Variants in LUZP2 observed in about 807,000 individuals in gnomAD.
LUZP2 encodes the protein leucine zipper protein 2.
A neutral mutation model predicts 51.6 loss-of-function variants in LUZP2; 52 were observed. That is an observed-to-expected ratio of 1.01 (90% confidence interval 0.81 to 1.27). The LOEUF (loss-of-function observed/expected upper bound fraction) is 1.27, where lower values mean the gene tolerates loss of function less well. Ranked by LOEUF, LUZP2 falls within the 50% of genes most tolerant of loss-of-function variation. The pLI, the probability that LUZP2 is intolerant of heterozygous loss-of-function variation, is 0.00. For synonymous variants in LUZP2, 154 were observed against 137.3 expected, an observed-to-expected ratio of 1.12 and a Z score of -0.85; for missense variants, 436 against 395.4, an observed-to-expected ratio of 1.10 and a Z score of -0.87.
At chr11:24,952,437 A>G (rs1433810916) in intron 7 of LUZP2, among the ~76,000 whole-genome samples, 1 of 151,768 alleles carries the variant, frequency 6.6e-6, no homozygotes, top group Non-Finnish European at 1.5e-5. Context: ...TATATGTAGT[A>G]TATTAGAAAT....
intron 7 of LUZP2, among the ~76,000 whole-genome samples, chr11:24,942,425 G>A (rs1854779436): frequency 6.6e-6 from 1 of 152,082 alleles, no homozygotes; most frequent in African/African-American, 2.4e-5. Context: ...ACGAGCGTAT[G>A]GTTATAACCT....
chr11:24,568,356 A>AT (rs1852314910), intron 1 of LUZP2, among the ~76,000 whole-genome samples: 1 of 43,570 alleles, frequency 2.3e-5, no homozygotes, highest in African/African-American at 5.8e-5. Context: ...TCTGTCTCAG[A>AT]AAAAAAAAAA....
chr11:24,894,435 A>G (rs898157546), intron 5 of LUZP2, among the ~76,000 whole-genome samples: 1 of 152,140 alleles, frequency 6.6e-6, no homozygotes, highest in African/African-American at 2.4e-5. Context: ...TCGGCCTCCC[A>G]AAGTGTTGGG....
chr11:25,073,637 G>C (rs1195638347), intron 10 of LUZP2, among the ~76,000 whole-genome samples: 3 of 151,922 alleles, frequency 2.0e-5, no homozygotes, highest in Non-Finnish European at 2.9e-5. Flanking sequence ...AGGAGCATTC[G>C]TAAGAAACGT....
intron 5 of LUZP2, among the ~76,000 whole-genome samples, chr11:24,825,676 T>C (rs1850503360): frequency 6.6e-6 from 1 of 152,128 alleles, no homozygotes; most frequent in Non-Finnish European, 1.5e-5. Context: ...GAGGACTTTT[T>C]CCATGCTCAT....
At chr11:24,571,595 T>C (rs2133801199) in intron 1 of LUZP2, among the ~76,000 whole-genome samples, 1 of 152,154 alleles carries the variant, frequency 6.6e-6, no homozygotes, top group Non-Finnish European at 1.5e-5. Flanking sequence ...TTATTAAGTG[T>C]CACTGATGTA....
chr11:24,647,748 G>T (rs1855506785), intron 1 of LUZP2, among the ~76,000 whole-genome samples: 1 of 151,738 alleles, frequency 6.6e-6, no homozygotes, highest in South Asian at 2.1e-4. Context: ...CCTCATTTCT[G>T]AAATACTCGA....
At chr11:24,817,512 A>G (rs11028190) in intron 5 of LUZP2, among the ~76,000 whole-genome samples, 40,083 of 151,996 alleles carry the variant, frequency 0.26, 6,578 homozygotes, top group East Asian at 0.51. Flanking sequence ...GAGAGTTGGA[A>G]TCTGAAATCC....
intron 10 of LUZP2, among the ~76,000 whole-genome samples, chr11:25,067,597 A>C (rs996754843): frequency 6.6e-6 from 1 of 152,054 alleles, no homozygotes; most frequent in Admixed American, 6.6e-5. Context: ...TGGTCATTAG[A>C]GAAATGCAAA....
rs142624927 is a variant in LUZP2, at chr11:24,574,028, T to C, written c.62+76723T>C. Among the ~76,000 whole-genome samples the C allele has an allele frequency of 4.3e-3, 653 of 151,966 alleles. 23 individuals carry two copies. In the East Asian group the frequency reaches 0.1, roughly 24 times the overall value. On this transcript the variant is annotated intron_variant, in intron 1 of 11. Transcript: ENST00000336930. ...ATATCTCCTAATGCTGTGTTTTAAT[T>C]TGTGCTTGAGGTCTTTTATTTTTCT...
chr11:24,688,528 C>A (rs921785802), intron 1 of LUZP2, among the ~76,000 whole-genome samples: 1 of 152,102 alleles, frequency 6.6e-6, no homozygotes, highest in East Asian at 1.9e-4. Context: ...ACAAGTAGAT[C>A]TCTGTCATAA....
At chr11:25,040,342 G>GCTTTTTTTTTTTTTT (rs1491549909) in intron 9 of LUZP2, among the ~76,000 whole-genome samples, 1 of 34,028 alleles carries the variant, frequency 2.9e-5, no homozygotes, top group Non-Finnish European at 4.5e-5. Flanking sequence ...CTTTCTTTCC[G>GCTTTTTTTTTTTTTT]ATTTTTTTTT....
At chr11:24,767,338 A>G (rs539900601) in intron 5 of LUZP2, among the ~76,000 whole-genome samples, 21 of 152,284 alleles carry the variant, frequency 1.4e-4, no homozygotes, top group African/African-American at 4.8e-4. Context: ...ATTTTTGAAG[A>G]GTTTATTTGA....
chr11:24,963,462 G>A (rs997196899), intron 7 of LUZP2, among the ~76,000 whole-genome samples: 10 of 152,264 alleles, frequency 6.6e-5, no homozygotes, highest in African/African-American at 2.4e-4. Flanking sequence ...AGCAAGCCTG[G>A]GCAATGGCGG....
intron 5 of LUZP2, among the ~76,000 whole-genome samples, chr11:24,802,933 C>T (rs922373055): frequency 6.6e-6 from 1 of 151,968 alleles, no homozygotes; most frequent in Non-Finnish European, 1.5e-5. Context: ...CGCTGAATCT[C>T]CTGGTTCCTT....
chr11:24,778,199 G>T (rs1848993907), intron 5 of LUZP2, among the ~76,000 whole-genome samples: 1 of 152,032 alleles, frequency 6.6e-6, no homozygotes, highest in Admixed American at 6.6e-5. Flanking sequence ...CCAAGAATTT[G>T]AGACCAGCTT....
chr11:24,839,910 C>T (rs1850973561), intron 5 of LUZP2, among the ~76,000 whole-genome samples: 2 of 151,692 alleles, frequency 1.3e-5, no homozygotes, highest in Admixed American at 1.3e-4. Context: ...AATATTCCTG[C>T]ACATAAGTAA....
intron 9 of LUZP2, among the ~76,000 whole-genome samples, chr11:25,030,578 C>T (rs1857615995): frequency 6.6e-6 from 1 of 151,634 alleles, no homozygotes; most frequent in East Asian, 1.9e-4. Context: ...TCCATGTACT[C>T]ACCAATACTT....
intron 5 of LUZP2, among the ~76,000 whole-genome samples, chr11:24,884,845 G>A (rs576022561): frequency 6.6e-6 from 1 of 151,998 alleles, no homozygotes; most frequent in African/African-American, 2.4e-5. Flanking sequence ...GAAATGGGTT[G>A]TTTTTGCCCC....
Sources: gnomAD v4.1 joint callset for allele counts (sites outside exome capture counted in the v4.1 genomes callset) on GRCh38, gnomAD v4.1.1 for gene constraint, MANE v1.5 for transcripts, NCBI Gene and HGNC (gene_info 2026-07-23, HGNC 2026-07-21) for gene names.